KLHL26: variants seen among roughly 807,000 people sequenced by gnomAD.
KLHL26 encodes the protein kelch-like protein 26.
A neutral mutation model predicts 7.1 loss-of-function variants in KLHL26; 4 were observed. The ratio of observed to expected loss-of-function variants is 0.56; its 90% CI spans 0.28 to 1.28. The LOEUF (loss-of-function observed/expected upper bound fraction) is 1.28, where lower values mean the gene tolerates loss of function less well. Ranked by LOEUF, KLHL26 falls within the 50% of genes most tolerant of loss-of-function variation. The pLI, the probability that KLHL26 is intolerant of heterozygous loss-of-function variation, is 0.11. For synonymous variants in KLHL26, 465 were observed against 414.1 expected (o/e 1.12, Z -1.49); for missense variants, 896 against 924.6 (o/e 0.97, Z 0.40).
rs532821367 is a variant in KLHL26, at chr19:18,641,789, C to T, written c.83+4652C>T. On this transcript the variant is annotated intron_variant, in intron 1 of 2. Coordinates refer to ENST00000300976, the MANE Select transcript of KLHL26 (RefSeq NM_018316.3). ...GATTACAGGCGTGTGCCACCACACC[C>T]GGCTAATTTTTGTATTTTTAGTAGA... 9.9e-5 allele frequency among the ~76,000 whole-genome samples: 15 copies of T among 151,868 alleles called. 1 individual carries two copies. In the South Asian group the frequency reaches 1.2e-3, roughly 13 times the overall value.
intron 1 of KLHL26, among the ~76,000 whole-genome samples, chr19:18,638,273 C>T (rs112964075): frequency 6.6e-6 from 1 of 152,158 alleles, no homozygotes; most frequent in Admixed American, 6.5e-5. Flanking sequence ...AGGGAATGGC[C>T]TGATGGCCTG....
Position 18,669,100 on chromosome 19 carries a change from A to G in KLHL26, c.1703A>G (p.Asn568Ser). The change falls in exon 3 of 3, where the codon AAC becomes AGC. Residue 568 changes from asparagine to serine, a missense_variant. Transcript: ENST00000300976. ...AAGATCTACATCGTCGGGGGCTACA[A>G]CTGGCGTCTCAACAACGTCACGGGC... ...ERKIYIVGGY[N>S]WRLNNVTGIV... 6.2e-7 allele frequency: 1 copy of G among 1,612,874 alleles called. No homozygotes were observed. The highest frequency in any genetic ancestry group is 8.5e-7 in the Non-Finnish European group (1 of 1,179,946).
rs2052507126 is a variant in KLHL26 at position 18,669,773 on chromosome 19, G to T, written c.*528G>T. 1 of 157,624 alleles carries T rather than the reference G, an allele frequency of 6.3e-6. No individual in the cohort carries two copies. The highest frequency in any genetic ancestry group is 2.0e-4 in the South Asian group (1 of 4,964). 9.8% of individuals were successfully genotyped at this position (157,624 alleles called of 1,614,324 possible). ...AGGAGCAGTGAGAGGTGGCTTAGAA[G>T]CCCCTGGTTTGGGGTGGGTGGAGGA... On this transcript the variant is annotated 3_prime_UTR_variant, in exon 3 of 3. Coordinates refer to ENST00000300976, the MANE Select transcript of KLHL26 (RefSeq NM_018316.3).
chr19:18,660,402 C>T (rs906114863), intron 1 of KLHL26, among the ~76,000 whole-genome samples: 12 of 152,300 alleles, frequency 7.9e-5, no homozygotes, highest in African/African-American at 2.6e-4. Context: ...CGGCCCTGGC[C>T]GGGGCTGCTG....
At chr19:18,642,668 G>GT (rs1976735642) in intron 1 of KLHL26, among the ~76,000 whole-genome samples, 1 of 151,080 alleles carries the variant, frequency 6.6e-6, no homozygotes, top group Admixed American at 6.6e-5. Flanking sequence ...CCGGCTTGTG[G>GT]TTTTTTGTTT....
At chr19:18,637,731 G>C (rs1050817177) in intron 1 of KLHL26, among the ~76,000 whole-genome samples, 1 of 151,514 alleles carries the variant, frequency 6.6e-6, no homozygotes, top group Non-Finnish European at 1.5e-5. Context: ...GAACCTGAGG[G>C]GGGTGAGAGA....
chr19:18,668,702 C>A lies in KLHL26; in HGVS notation c.1305C>A (p.Pro435=), dbSNP rs2052487541. The change falls in exon 3 of 3, where the codon CCC becomes CCA. Residue 435 remains proline (P), a synonymous_variant. Coordinates refer to ENST00000300976, the MANE Select transcript of KLHL26 (RefSeq NM_018316.3). ...GSLASVERYC[P]RRNEWGYACS... ...TGGCCTCCGTGGAGCGGTACTGCCC[C>A]CGGCGCAATGAGTGGGGCTACGCCT... 1 of 1,572,698 alleles carries A rather than the reference C, an allele frequency of 6.4e-7. No homozygotes were observed. The highest frequency in any genetic ancestry group is 1.7e-4 in the Middle Eastern group (1 of 5,922).
chr19:18,658,883 C>T (rs954572185), intron 1 of KLHL26, among the ~76,000 whole-genome samples: 2 of 151,210 alleles, frequency 1.3e-5, no homozygotes, highest in African/African-American at 4.9e-5. Flanking sequence ...TCTCTGTCTC[C>T]CTCTCTCTGG....
In KLHL26 at chr19:18,668,105, T is replaced by G; in HGVS notation, c.708T>G (p.His236Gln). ...GCGCGGCCGTCCGCTGGCTGCAGCATGACCCGGCCCGGCGGCCGCGCGCCA... is the reference window on the plus strand; with the variant it reads ...GCGCGGCCGTCCGCTGGCTGCAGCAGGACCCGGCCCGGCGGCCGCGCGCCA... ...LFRAAVRWLQ[H>Q]DPARRPRASH... The change falls in exon 3 of 3, where the codon CAT becomes CAG. Residue 236 changes from histidine (H) to glutamine (Q), a missense_variant. Coordinates refer to ENST00000300976, the MANE Select transcript of KLHL26 (RefSeq NM_018316.3). The G allele has an allele frequency of 6.2e-7, 1 of 1,601,998 alleles. No homozygotes were observed. Among genetic ancestry groups the G allele is most frequent in the Admixed American group, 1.7e-5 (1 of 59,922 alleles).
At chr19:18,651,596 G>A (rs1380013879) in intron 1 of KLHL26, among the ~76,000 whole-genome samples, 2 of 152,236 alleles carry the variant, frequency 1.3e-5, no homozygotes, top group Admixed American at 1.3e-4. Flanking sequence ...GAAGGTGCTG[G>A]GCTAAGCTGT....
chr19:18,661,236 A>G (rs2052389075), intron 1 of KLHL26, among the ~76,000 whole-genome samples: 1 of 152,096 alleles, frequency 6.6e-6, no homozygotes. Context: ...ATGCCCTGCC[A>G]GTCAGCTGAA....
rs372570185 is a variant in KLHL26 at position 18,668,174 on chromosome 19, C to G, written c.777C>G (p.Ser259=). 1.1e-5 allele frequency: 17 copies of G among 1,610,272 alleles called. No individual in the cohort carries two copies. The South Asian group carries it at 1.8e-4, about 17-fold the overall frequency. The change falls in exon 3 of 3, where the codon TCC becomes TCG. Residue 259 remains serine (S), a synonymous_variant. Coordinates refer to ENST00000300976, the MANE Select transcript of KLHL26 (RefSeq NM_018316.3). ...CHIRFPLMQS[S]ELVDSVQTLD... is the part of the protein sequence containing the mutation. ...TTCGCTTCCCGCTCATGCAGTCGTC[C>G]GAGCTGGTGGACAGCGTGCAGACGC...
In KLHL26 at chr19:18,650,452, G is replaced by A. The variant is rs181646567; in HGVS notation, c.83+13315G>A. Among the ~76,000 whole-genome samples, 175 of 152,222 alleles carry A rather than the reference G, an allele frequency of 1.1e-3. No individual in the cohort carries two copies. The highest frequency in any genetic ancestry group is 2.2e-3 in the Non-Finnish European group (152 of 68,010). On this transcript the variant is annotated intron_variant, in intron 1 of 2. Coordinates refer to ENST00000300976, the MANE Select transcript of KLHL26 (RefSeq NM_018316.3). The surrounding 1 kb of genome is among the most constrained non-coding windows in gnomAD (Gnocchi z 4.2). Reference sequence around the variant, plus strand: ...TCATCCTCTATCTGAAAAACTTCCAGGACTGAAGTTCGAGTTGGAAGCACG... The same window carrying A: ...TCATCCTCTATCTGAAAAACTTCCAAGACTGAAGTTCGAGTTGGAAGCACG...
intron 1 of KLHL26, among the ~76,000 whole-genome samples, chr19:18,647,390 T>C (rs1976823551): frequency 6.6e-6 from 1 of 152,198 alleles, no homozygotes; most frequent in South Asian, 2.1e-4. Context: ...CACCCACCTC[T>C]CCTCAGACAC....
chr19:18,657,427 TGTCTCTGA>T (rs957611020), intron 1 of KLHL26, among the ~76,000 whole-genome samples: 1 of 152,030 alleles, frequency 6.6e-6, no homozygotes, highest in Non-Finnish European at 1.5e-5. Flanking sequence ...TGTGTCTCCC[TGTCTCTGA>T]GTCTCTGGGT....
At chr19:18,667,634 C>T (rs760733262) in intron 2 of KLHL26, 30 bp from the exon 3 acceptor site, 84 of 1,584,620 alleles carry the variant, frequency 5.3e-5, no homozygotes, top group Non-Finnish European at 6.8e-5. Flanking sequence ...TCAGCCACTG[C>T]CAGCCACACG....
intron 1 of KLHL26, among the ~76,000 whole-genome samples, chr19:18,659,356 C>G (rs2052368462): frequency 6.6e-6 from 1 of 152,262 alleles, no homozygotes; most frequent in Non-Finnish European, 1.5e-5. Flanking sequence ...CTCTTCCCCA[C>G]CCATGCACTG....
rs773449271 is a variant in KLHL26, at chr19:18,650,770, C to G, written c.84-13491C>G. On this transcript the variant is annotated intron_variant, in intron 1 of 2. Transcript: ENST00000300976. This position sits in a 1 kb window ranked among gnomAD's most constrained non-coding sequence, Gnocchi z 4.2. ...TCAGGGGCGCGGGCAGCTTGCTGAC[C>G]TTTTCTGGGAGTCGTGGCGGACGGA... Among the ~76,000 whole-genome samples the G allele has an allele frequency of 3.3e-5, 5 of 152,220 alleles. No individual in the cohort carries two copies. The highest frequency in any genetic ancestry group is 5.9e-5 in the Non-Finnish European group (4 of 68,046).
chr19:18,660,164 G>C (rs2052377851), intron 1 of KLHL26, among the ~76,000 whole-genome samples: 1 of 152,334 alleles, frequency 6.6e-6, no homozygotes, highest in Admixed American at 6.5e-5. Context: ...GGACATCTGA[G>C]AGGAGCAGGG....
Sources: gnomAD v4.1 joint callset for allele counts (sites outside exome capture counted in the v4.1 genomes callset) on GRCh38, gnomAD v4.1.1 for gene constraint, Gnocchi (gnomAD v3.1) non-coding constraint, MANE v1.5 for transcripts, NCBI Gene and HGNC (gene_info 2026-07-23, HGNC 2026-07-21) for gene names.